Variants in ATOSA observed in about 807,000 individuals in gnomAD.
ATOSA encodes the protein atos homolog A.
the ATOSA span, chr15:52,609,448 A>G: frequency 6.2e-7 from 1 of 1,613,686 alleles, no homozygotes; most frequent in Non-Finnish European, 8.5e-7. Flanking sequence ...GTGTTGAGCA[A>G]TCCTTGCAAT....
chr15:52,611,782 G>C, the ATOSA span: 84 of 1,612,754 alleles, frequency 5.2e-5, no homozygotes, highest in Non-Finnish European at 6.7e-5. Context: ...GCGGCACTTA[G>C]AGAAAATGAA....
chr15:52,632,508 G>A, the ATOSA span, among the ~76,000 whole-genome samples: 1 of 152,064 alleles, frequency 6.6e-6, no homozygotes, highest in Non-Finnish European at 1.5e-5. Flanking sequence ...TCCAAATACT[G>A]AGTAACTCTG....
chr15:52,675,897 C>T, the ATOSA span, among the ~76,000 whole-genome samples: 3 of 148,480 alleles, frequency 2.0e-5, no homozygotes, highest in African/African-American at 5.0e-5. Flanking sequence ...CAGAGCGAGA[C>T]TCCGTCTCAA....
At chr15:52,587,321 A>G in the ATOSA span, 16 of 979,938 alleles carry the variant, frequency 1.6e-5, no homozygotes, top group Admixed American at 3.8e-4. Flanking sequence ...TCAGAATTCT[A>G]TTTCTATGGA....
At chr15:52,582,117 T>G in the ATOSA span, 11 of 1,494,002 alleles carry the variant, frequency 7.4e-6, no homozygotes, top group Non-Finnish European at 8.9e-6. Context: ...CTTGCAAACT[T>G]GGGTACTGAG....
At chr15:52,647,762 C>G in the ATOSA span, among the ~76,000 whole-genome samples, 1 of 152,180 alleles carries the variant, frequency 6.6e-6, no homozygotes, top group Non-Finnish European at 1.5e-5. Context: ...ACAACAGAAA[C>G]AATAACACTA....
the ATOSA span, chr15:52,611,848 T>C: frequency 7.0e-7 from 1 of 1,422,280 alleles, no homozygotes; most frequent in Non-Finnish European, 9.8e-7. Context: ...TAGAAAATTA[T>C]CATTGTAAAG....
chr15:52,632,442 A>C, the ATOSA span, among the ~76,000 whole-genome samples: 5 of 152,192 alleles, frequency 3.3e-5, no homozygotes, highest in African/African-American at 7.2e-5. Flanking sequence ...GTGATGGTGA[A>C]ACAGTGTAGC....
the ATOSA span, among the ~76,000 whole-genome samples, chr15:52,616,022 A>G: frequency 1.3e-5 from 2 of 152,232 alleles, no homozygotes; most frequent in Non-Finnish European, 2.9e-5. Context: ...TTCCCAGTCA[A>G]TTCATCCAGT....
At chr15:52,659,748 G>A in the ATOSA span, among the ~76,000 whole-genome samples, 2 of 152,058 alleles carry the variant, frequency 1.3e-5, no homozygotes, top group East Asian at 3.9e-4. Flanking sequence ...GACTATTAGG[G>A]TTATCATAAA....
chr15:52,642,285 T>C, the ATOSA span, among the ~76,000 whole-genome samples: 1 of 152,134 alleles, frequency 6.6e-6, no homozygotes, highest in African/African-American at 2.4e-5. Context: ...GCAAAAAGTA[T>C]GAAAATTGCT....
At chr15:52,619,832 AAAAAGAAAAG>A in the ATOSA span, among the ~76,000 whole-genome samples, 31 of 148,578 alleles carry the variant, frequency 2.1e-4, no homozygotes, top group Admixed American at 5.4e-4. Context: ...GTCTTAAAAA[AAAAAGAAAAG>A]AAAAGAAAAG....
the ATOSA span, among the ~76,000 whole-genome samples, chr15:52,697,385 C>A: frequency 6.6e-6 from 1 of 152,182 alleles, no homozygotes; most frequent in Non-Finnish European, 1.5e-5. Context: ...TGGTTGCCCG[C>A]TTGCCTCTCT....
chr15:52,609,258 G>T, the ATOSA span: 1 of 1,613,648 alleles, frequency 6.2e-7, no homozygotes, highest in African/African-American at 1.3e-5. Context: ...CATCACTGAT[G>T]TCTCCTAACA....
the ATOSA span, among the ~76,000 whole-genome samples, chr15:52,617,765 T>A: frequency 3.3e-3 from 297 of 88,668 alleles, 1 homozygote; most frequent in East Asian, 0.18. Context: ...AATATTTATT[T>A]ATTAATAATT....
At chr15:52,683,340 T>C in the ATOSA span, among the ~76,000 whole-genome samples, 4 of 152,238 alleles carry the variant, frequency 2.6e-5, no homozygotes, top group African/African-American at 9.6e-5. Context: ...ATGGACTCAT[T>C]TAATTTCCAC....
chr15:52,624,791 T>TC, the ATOSA span, among the ~76,000 whole-genome samples: 1 of 151,710 alleles, frequency 6.6e-6, no homozygotes, highest in Non-Finnish European at 1.5e-5. Context: ...TTTTTTTTTT[T>TC]TTTTGAGACG....
chr15:52,587,033 G>A, the ATOSA span: 1 of 1,560,156 alleles, frequency 6.4e-7, no homozygotes, highest in East Asian at 2.3e-5. Flanking sequence ...TCCAAACAAA[G>A]CTGCAGCCCC....
the ATOSA span, among the ~76,000 whole-genome samples, chr15:52,618,620 T>C: frequency 6.6e-6 from 1 of 152,200 alleles, no homozygotes; most frequent in Non-Finnish European, 1.5e-5. Flanking sequence ...TGGCTAACTC[T>C]TGCAGTAGGA....
Sources: allele counts gnomAD v4.1 joint callset (sites outside exome capture counted in the v4.1 genomes callset), GRCh38; gene constraint gnomAD v4.1.1; transcripts MANE v1.5; gene names NCBI Gene and HGNC (gene_info 2026-07-23, HGNC 2026-07-21).